The following PDE1C variants were observed in gnomAD, a reference collection of about 807,000 sequenced individuals.
The protein encoded by PDE1C is phosphodiesterase 1C, also known as dual specificity calcium/calmodulin-dependent 3',5'-cyclic nucleotide phosphodiesterase 1C.
In PDE1C, 62 loss-of-function variants were observed where a neutral mutation model predicts 93.1. The observed-to-expected ratio is 0.67, with a 90% confidence interval of 0.54 to 0.82. The LOEUF (loss-of-function observed/expected upper bound fraction) is 0.82, where lower values mean the gene tolerates loss of function less well. Ranked by LOEUF, PDE1C falls within the 40% of genes least tolerant of loss-of-function variation. The pLI, the probability that PDE1C is intolerant of heterozygous loss-of-function variation, is 0.00. For synonymous variants in PDE1C, 325 were observed against 310.1 expected, an observed-to-expected ratio of 1.05 and a Z score of -0.50; for missense variants, 742 against 884.6, an observed-to-expected ratio of 0.84 and a Z score of 2.04.
chr7:31,661,748 T>C, the PDE1C span, among the ~76,000 whole-genome samples: 1 of 152,172 alleles, frequency 6.6e-6, no homozygotes, highest in Non-Finnish European at 1.5e-5. Context: ...GGAATATTGT[T>C]GTTTCTGTTC....
At chr7:32,189,695 A>G (rs753704286) in intron 2 of PDE1C, among the ~76,000 whole-genome samples, 1 of 152,248 alleles carries the variant, frequency 6.6e-6, no homozygotes. Context: ...TATGCACTGC[A>G]ATCAAAAATA....
At chr7:32,387,351 G>A (rs1585137184) in intron 1 of PDE1C, among the ~76,000 whole-genome samples, 1 of 151,088 alleles carries the variant, frequency 6.6e-6, no homozygotes, top group Admixed American at 6.6e-5. Context: ...CCACAAAACC[G>A]CCATTGTCAT....
intron 3 of PDE1C, among the ~76,000 whole-genome samples, chr7:32,144,918 C>T (rs1490834227): frequency 1.3e-5 from 2 of 152,134 alleles, no homozygotes; most frequent in Non-Finnish European, 2.9e-5. Context: ...CCTTACTCTC[C>T]CTGGATAGAC....
At chr7:31,912,271 T>C (rs759132195) in intron 2 of PDE1C, among the ~76,000 whole-genome samples, 10 of 152,220 alleles carry the variant, frequency 6.6e-5, no homozygotes, top group Non-Finnish European at 1.3e-4. Flanking sequence ...GTTATTACCA[T>C]AAATATTCAG....
At chr7:32,162,835 A>G (rs1802002185) in intron 3 of PDE1C, among the ~76,000 whole-genome samples, 1 of 152,282 alleles carries the variant, frequency 6.6e-6, no homozygotes, top group South Asian at 2.1e-4. Context: ...CACCACAGAG[A>G]TAAGCCCTCC....
At chr7:31,732,244 AG>A in the PDE1C span, among the ~76,000 whole-genome samples, 2 of 152,232 alleles carry the variant, frequency 1.3e-5, no homozygotes, top group African/African-American at 4.8e-5. Flanking sequence ...AACTCATTTT[AG>A]GCTATTTTTG....
Position 31,918,176 on chromosome 7 carries a change from T to C in PDE1C, c.129-37316A>G, listed in dbSNP as rs144095253. On this transcript the variant is annotated intron_variant, in intron 2 of 17. Coordinates refer to ENST00000396191, the MANE Select transcript of PDE1C (RefSeq NM_001191057.4). Reference sequence around the variant, plus strand: ...TTTCTATTTCAATGATAGATATCAATTAAATATTAATCAGAATCTCCCACC... The same window carrying C: ...TTTCTATTTCAATGATAGATATCAACTAAATATTAATCAGAATCTCCCACC... Among the ~76,000 whole-genome samples the C allele has an allele frequency of 6.6e-5, 10 of 152,270 alleles. No homozygotes were observed. In the East Asian group the frequency reaches 1.7e-3, roughly 26 times the overall value.
chr7:32,107,490 T>A (rs1235310784), intron 3 of PDE1C, among the ~76,000 whole-genome samples: 9 of 152,068 alleles, frequency 5.9e-5, no homozygotes, highest in African/African-American at 2.2e-4. Flanking sequence ...GTAAAATGTT[T>A]AAAGCATTGA....
At chr7:31,955,044 A>C (rs1807934296) in intron 2 of PDE1C, among the ~76,000 whole-genome samples, 1 of 152,202 alleles carries the variant, frequency 6.6e-6, no homozygotes, top group Admixed American at 6.5e-5. Context: ...CTCAGTCCCA[A>C]ACAATTTTAT....
intron 14 of PDE1C, among the ~76,000 whole-genome samples, chr7:31,822,301 G>A (rs1789069259): frequency 6.6e-6 from 1 of 151,950 alleles, no homozygotes; most frequent in Admixed American, 6.6e-5. Context: ...GTCCCTACCT[G>A]GAATCAGACA....
chr7:32,216,475 T>C (rs1406194198), intron 1 of PDE1C, among the ~76,000 whole-genome samples: 1 of 152,088 alleles, frequency 6.6e-6, no homozygotes, highest in Non-Finnish European at 1.5e-5. Context: ...GCATACAATA[T>C]TTATGGACTG....
chr7:31,626,550 A>T, the PDE1C span, among the ~76,000 whole-genome samples: 1 of 152,118 alleles, frequency 6.6e-6, no homozygotes, highest in African/African-American at 2.4e-5. Flanking sequence ...ACAACTGTTT[A>T]ATTTTATATT....
the PDE1C span, among the ~76,000 whole-genome samples, chr7:31,682,522 T>C: frequency 1.3e-5 from 2 of 152,232 alleles, no homozygotes; most frequent in African/African-American, 2.4e-5. Flanking sequence ...ACATTGCTGG[T>C]GGAAATGAAA....
At chr7:31,831,476 G>GCACACACACA (rs3842163) in intron 11 of PDE1C, among the ~76,000 whole-genome samples, 27,283 of 140,892 alleles carry the variant, frequency 0.19, 2,633 homozygotes, top group Middle Eastern at 0.31. Flanking sequence ...GGAAGTAAAG[G>GCACACACACA]CACACACACA....
rs556426632 is a variant in PDE1C, at chr7:31,860,229, G to A, written c.750+4713C>T. Among the ~76,000 whole-genome samples, 13 of 152,298 alleles carry A rather than the reference G, an allele frequency of 8.5e-5. No homozygotes were observed. The South Asian group carries it at 2.5e-3, about 29-fold the overall frequency. ...TCCAACCAGTGGTTTATTTGGCAAG[G>A]TCTGGAGACATTATTGGTTGTCATA... On this transcript the variant is annotated intron_variant, in intron 7 of 17. Coordinates refer to ENST00000396191, the MANE Select transcript of PDE1C (RefSeq NM_001191057.4).
rs575521532 is a variant in PDE1C at position 31,884,610 on chromosome 7, C to G, written c.129-3750G>C. 7.2e-5 allele frequency among the ~76,000 whole-genome samples: 11 copies of G among 152,280 alleles called. No homozygotes were observed. In the South Asian group the frequency reaches 2.1e-3, roughly 29 times the overall value. On this transcript the variant is annotated intron_variant, in intron 2 of 17. Transcript: ENST00000396191. ...GCCTAGTGATTCCAGATGCCCCTTTCAAATTCTGTTGAGCTTTAGCATAGT... is the reference window on the plus strand; with the variant it reads ...GCCTAGTGATTCCAGATGCCCCTTTGAAATTCTGTTGAGCTTTAGCATAGT...
intron 3 of PDE1C, among the ~76,000 whole-genome samples, chr7:32,155,420 A>G (rs1801509303): frequency 6.6e-6 from 1 of 152,234 alleles, no homozygotes; most frequent in South Asian, 2.1e-4. Flanking sequence ...GTTAGCTATT[A>G]TTGTCATCAT....
intron 1 of PDE1C, among the ~76,000 whole-genome samples, chr7:32,313,903 A>C (rs975196619): frequency 1.3e-5 from 2 of 152,070 alleles, no homozygotes; most frequent in Non-Finnish European, 2.9e-5. Flanking sequence ...TTAAAGTATA[A>C]TAATAATAAA....
At chr7:31,816,554 A>T (rs975346628) in intron 14 of PDE1C, among the ~76,000 whole-genome samples, 8 of 152,108 alleles carry the variant, frequency 5.3e-5, no homozygotes, top group Non-Finnish European at 1.2e-4. Context: ...CTGTGACTCA[A>T]TTTGACAAAT....
Sources: allele counts gnomAD v4.1 joint callset (sites outside exome capture counted in the v4.1 genomes callset), GRCh38; gene constraint gnomAD v4.1.1; transcripts MANE v1.5; gene names NCBI Gene and HGNC (gene_info 2026-07-23, HGNC 2026-07-21).